The following CDH8 variants were observed in gnomAD, a reference collection of about 807,000 sequenced individuals.
The protein encoded by CDH8 is cadherin-8.
In CDH8, 17 loss-of-function variants were observed where a neutral mutation model predicts 68.1. That is an observed-to-expected ratio of 0.25 (90% CI 0.17 to 0.37). The LOEUF (loss-of-function observed/expected upper bound fraction) is 0.37, where lower values mean the gene tolerates loss of function less well. Among genes scored for constraint, CDH8 ranks in the 10% least tolerant of loss-of-function variants. CDH8 has a pLI of 1.00. For synonymous variants in CDH8, 372 were observed against 365.1 expected, an observed-to-expected ratio of 1.02 and a Z score of -0.21; for missense variants, 763 against 999.3, an observed-to-expected ratio of 0.76 and a Z score of 3.19.
intron 3 of CDH8, among the ~76,000 whole-genome samples, chr16:61,890,964 A>C (rs1963764948): frequency 6.6e-6 from 1 of 152,164 alleles, no homozygotes; most frequent in Non-Finnish European, 1.5e-5. Flanking sequence ...CCTATAGTGA[A>C]TAGTTCTATA....
intron 10 of CDH8, among the ~76,000 whole-genome samples, chr16:61,708,852 C>T (rs1046726408): frequency 6.6e-6 from 1 of 152,098 alleles, no homozygotes; most frequent in African/African-American, 2.4e-5. Context: ...TTTTATGATT[C>T]AACATTGAAG....
At chr16:61,709,645 C>A (rs1339484685) in intron 10 of CDH8, among the ~76,000 whole-genome samples, 1 of 151,860 alleles carries the variant, frequency 6.6e-6, no homozygotes, top group Admixed American at 6.6e-5. Context: ...ATTTTATATG[C>A]TAGAATTGAA....
At position 61,652,095 on chromosome 16, in the gene CDH8, G is replaced by T; in HGVS notation, c.*1513C>A. 2.2e-6 allele frequency: 2 copies of T among 922,074 alleles called. No individual in the cohort carries two copies. The highest frequency in any genetic ancestry group is 5.0e-5 in the South Asian group (1 of 19,936). 57.1% of individuals were successfully genotyped at this position (922,074 alleles called of 1,614,324 possible). A position where few individuals can be genotyped will look rare whatever the true frequency, so the allele number is the denominator to read the frequency against. ...ATACATGGAGTGAATAAACAATATT[G>T]CATTAAAGCAAAGTAGAAAATTAAA... is the stretch of plus-strand genomic sequence containing the variant. On this transcript the variant is annotated 3_prime_UTR_variant, in exon 12 of 12. Transcript: ENST00000577390.
intron 2 of CDH8, among the ~76,000 whole-genome samples, chr16:61,970,816 C>T (rs1048382954): frequency 8.5e-5 from 13 of 152,202 alleles, no homozygotes; most frequent in African/African-American, 2.7e-4. Flanking sequence ...GCCAAGCCAT[C>T]GCATCCCCTA....
intron 4 of CDH8, among the ~76,000 whole-genome samples, chr16:61,838,987 T>C (rs950408798): frequency 1.3e-5 from 2 of 152,132 alleles, no homozygotes; most frequent in African/African-American, 2.4e-5. Flanking sequence ...TTCTTGAAAG[T>C]ACAGCATAAT....
chr16:61,817,629 G>A lies in CDH8; in HGVS notation c.1127C>T (p.Ala376Val), dbSNP rs1179259076. ...FSGRGPFKDTATVKIVVEDAD... is the reference protein window; with the variant it reads ...FSGRGPFKDTVTVKIVVEDAD... ...ATCTTCAACCACGATTTTGACTGTC[G>A]CCGTGTCTTTAAAGGGCCCCCTGCC... Residue 376 changes from alanine (A) to valine (V), a missense_variant, in exon 7 of 12, where the codon GCG becomes GTG. Ala to Val is a moderately conservative substitution (Grantham distance 64). Transcript: ENST00000577390. 5.0e-6 allele frequency: 8 copies of A among 1,613,688 alleles called. No homozygotes were observed. Among genetic ancestry groups the A allele is most frequent in the South Asian group, 2.2e-5 (2 of 91,060 alleles).
chr16:61,957,744 G>A (rs147185842), intron 2 of CDH8, among the ~76,000 whole-genome samples: 120 of 152,106 alleles, frequency 7.9e-4, no homozygotes, highest in Non-Finnish European at 1.3e-3. Flanking sequence ...TATTTTCAAC[G>A]TGATTTTTTT....
At chr16:61,902,230 C>T (rs948106541) in intron 2 of CDH8, among the ~76,000 whole-genome samples, 5 of 152,174 alleles carry the variant, frequency 3.3e-5, no homozygotes, top group Admixed American at 1.3e-4. Flanking sequence ...TCACCATGAA[C>T]CCAAATCCAT....
At chr16:61,839,293 C>G (rs915260572) in intron 4 of CDH8, among the ~76,000 whole-genome samples, 10 of 152,042 alleles carry the variant, frequency 6.6e-5, no homozygotes, top group Non-Finnish European at 1.5e-4. Flanking sequence ...GTTGTTGATT[C>G]TTTCTGAACC....
intron 5 of CDH8, among the ~76,000 whole-genome samples, chr16:61,823,712 T>A (rs927859267): frequency 6.6e-6 from 1 of 151,882 alleles, no homozygotes; most frequent in East Asian, 1.9e-4. Flanking sequence ...AGGATAAAGG[T>A]CCTCATAGGT....
chr16:61,799,335 C>T (rs879591503), intron 7 of CDH8, among the ~76,000 whole-genome samples: 10 of 152,154 alleles, frequency 6.6e-5, no homozygotes, highest in Admixed American at 1.3e-4. Flanking sequence ...TACAATGTAA[C>T]AGTTCAGACC....
intron 8 of CDH8, among the ~76,000 whole-genome samples, chr16:61,769,545 C>CAA (rs927149470): frequency 4.3e-4 from 59 of 137,426 alleles, no homozygotes; most frequent in African/African-American, 1.5e-3. Flanking sequence ...AATAGAAATG[C>CAA]AAAAAAAAAA....
chr16:61,978,627 T>C (rs536715488), intron 2 of CDH8, among the ~76,000 whole-genome samples: 3 of 152,150 alleles, frequency 2.0e-5, no homozygotes, highest in African/African-American at 7.2e-5. Context: ...GCAGTTTCCA[T>C]GCATTGGTCC....
chr16:61,703,238 T>A (rs1364546861), intron 10 of CDH8, among the ~76,000 whole-genome samples: 1 of 152,176 alleles, frequency 6.6e-6, no homozygotes, highest in African/African-American at 2.4e-5. Context: ...GTATTTATTT[T>A]AGGAAGACAG....
intron 9 of CDH8, among the ~76,000 whole-genome samples, chr16:61,718,115 T>G (rs1018073859): frequency 2.0e-5 from 3 of 151,324 alleles, no homozygotes; most frequent in East Asian, 3.9e-4. Flanking sequence ...CTCAAAACCT[T>G]GTAGATATTT....
At chr16:61,811,803 G>A (rs887302074) in intron 7 of CDH8, among the ~76,000 whole-genome samples, 1 of 152,056 alleles carries the variant, frequency 6.6e-6, no homozygotes, top group African/African-American at 2.4e-5. Flanking sequence ...AGTCACGAAA[G>A]GACAAATACT....
At chr16:62,010,278 T>G (rs2150603562) in intron 2 of CDH8, among the ~76,000 whole-genome samples, 1 of 152,314 alleles carries the variant, frequency 6.6e-6, no homozygotes, top group South Asian at 2.1e-4. Context: ...AGACCATACC[T>G]TTGTTTCCTT....
At chr16:61,798,010 T>G (rs948638187) in intron 7 of CDH8, among the ~76,000 whole-genome samples, 2 of 152,076 alleles carry the variant, frequency 1.3e-5, no homozygotes. Context: ...TATAATTTTA[T>G]GTAACACTGG....
chr16:61,988,574 C>T (rs1437921735), intron 2 of CDH8, among the ~76,000 whole-genome samples: 1 of 151,018 alleles, frequency 6.6e-6, no homozygotes, highest in East Asian at 1.9e-4. Context: ...ACCAAAGCAA[C>T]AGCAACAAAC....
Sources: allele counts gnomAD v4.1 joint callset (sites outside exome capture counted in the v4.1 genomes callset), GRCh38; gene constraint gnomAD v4.1.1; transcripts MANE v1.5; gene names NCBI Gene and HGNC (gene_info 2026-07-23, HGNC 2026-07-21).